The following IKBKB-DT variants were observed in gnomAD, a reference collection of about 807,000 sequenced individuals.
The protein encoded by IKBKB-DT is IKBKB divergent transcript.
intron 1 of IKBKB-DT, among the ~76,000 whole-genome samples, chr8:42,270,136 G>A (rs193007451): frequency 4.6e-5 from 7 of 152,236 alleles, no homozygotes; most frequent in Admixed American, 4.6e-4. Flanking sequence ...TTAAGAACCC[G>A]GGAACCAGTT....
At chr8:42,239,164 T>A (rs1443382487) in intron 3 of IKBKB-DT, among the ~76,000 whole-genome samples, 1 of 152,090 alleles carries the variant, frequency 6.6e-6, no homozygotes, top group Non-Finnish European at 1.5e-5. Context: ...AGACTCATAG[T>A]CTAATGCCCC....
chr8:42,268,268 T>G lies in IKBKB-DT; in HGVS notation n.604-1872A>C, dbSNP rs762375497. Among the ~76,000 whole-genome samples, 130 of 148,448 alleles carry G rather than the reference T, an allele frequency of 8.8e-4. No homozygotes were observed. In the East Asian group the frequency reaches 0.025, roughly 29 times the overall value. On this transcript the variant is annotated intron_variant and non_coding_transcript_variant, in intron 1 of 3. Coordinates refer to ENST00000518213, the Ensembl canonical transcript of IKBKB-DT. ...TCCTGCCTCAGCCTCCCGAGTAGCTTGGATTACAGGCACGTGCCACCACGC... is the reference window on the plus strand; with the variant it reads ...TCCTGCCTCAGCCTCCCGAGTAGCTGGGATTACAGGCACGTGCCACCACGC...
intron 3 of IKBKB-DT, among the ~76,000 whole-genome samples, chr8:42,247,646 G>A (rs1323246561): frequency 6.6e-6 from 1 of 151,940 alleles, no homozygotes; most frequent in Non-Finnish European, 1.5e-5. Flanking sequence ...TAATCCTCAG[G>A]TGTTGAGGGA....
chr8:42,238,060 T>C (rs887426301), intron 3 of IKBKB-DT, among the ~76,000 whole-genome samples: 8 of 140,614 alleles, frequency 5.7e-5, no homozygotes, highest in Non-Finnish European at 1.2e-4. Context: ...AAAAAGGACT[T>C]TCACCAAGAC....
chr8:42,242,129 T>C (rs1807012460), intron 3 of IKBKB-DT, among the ~76,000 whole-genome samples: 1 of 152,100 alleles, frequency 6.6e-6, no homozygotes, highest in South Asian at 2.1e-4. Context: ...GCAGGAGAAT[T>C]GCTTGAACCC....
chr8:42,236,625 C>T (rs967052176), intron 3 of IKBKB-DT, among the ~76,000 whole-genome samples: 7 of 152,188 alleles, frequency 4.6e-5, no homozygotes, highest in East Asian at 1.9e-4. Context: ...GGCGTGGTGA[C>T]GCATGCCTGT....
intron 1 of IKBKB-DT, among the ~76,000 whole-genome samples, chr8:42,267,549 T>A (rs1002911599): frequency 6.6e-6 from 1 of 152,182 alleles, no homozygotes; most frequent in African/African-American, 2.4e-5. Context: ...TGATGAGATC[T>A]CATTCCATTG....
intron 3 of IKBKB-DT, among the ~76,000 whole-genome samples, chr8:42,259,565 A>G (rs1007123953): frequency 3.3e-5 from 5 of 152,202 alleles, no homozygotes; most frequent in Non-Finnish European, 2.9e-5. Flanking sequence ...TTTTTAGTAG[A>G]CATGTGATAA....
intron 3 of IKBKB-DT, among the ~76,000 whole-genome samples, chr8:42,245,214 C>T (rs886264259): frequency 6.6e-6 from 1 of 152,134 alleles, no homozygotes; most frequent in African/African-American, 2.4e-5. Context: ...GAGATCGCAC[C>T]ACTGCACTCC....
intron 3 of IKBKB-DT, among the ~76,000 whole-genome samples, chr8:42,240,837 T>C (rs1316658293): frequency 6.6e-6 from 1 of 151,864 alleles, no homozygotes; most frequent in Non-Finnish European, 1.5e-5. Flanking sequence ...TAGCCAGGCA[T>C]GGTGGCACAC....
At chr8:42,264,644 C>A (rs556104951) in intron 2 of IKBKB-DT, among the ~76,000 whole-genome samples, 1 of 150,442 alleles carries the variant, frequency 6.6e-6, no homozygotes, top group South Asian at 2.1e-4. Flanking sequence ...TTGCAGCCTC[C>A]GCCTCCCTAG....
intron 3 of IKBKB-DT, among the ~76,000 whole-genome samples, chr8:42,252,490 C>T (rs1807141590): frequency 6.6e-6 from 1 of 152,218 alleles, no homozygotes; most frequent in Non-Finnish European, 1.5e-5. Flanking sequence ...CACCACCTCA[C>T]TAATAGCTGG....
At chr8:42,245,621 A>C (rs192091116) in intron 3 of IKBKB-DT, among the ~76,000 whole-genome samples, 1 of 152,296 alleles carries the variant, frequency 6.6e-6, no homozygotes, top group Non-Finnish European at 1.5e-5. Context: ...TCCTGTCTCG[A>C]GGGGCTCATT....
intron 3 of IKBKB-DT, among the ~76,000 whole-genome samples, chr8:42,235,669 C>A (rs772599173): frequency 9.2e-5 from 14 of 152,182 alleles, no homozygotes; most frequent in Non-Finnish European, 1.3e-4. Flanking sequence ...GCCCACGAAA[C>A]TATCTTTGAA....
At chr8:42,262,989 C>A (rs906708017) in intron 3 of IKBKB-DT, among the ~76,000 whole-genome samples, 1 of 152,080 alleles carries the variant, frequency 6.6e-6, no homozygotes, top group Non-Finnish European at 1.5e-5. Context: ...GATCCACCAG[C>A]CTTGGCCTCC....
chr8:42,252,969 G>T (rs879314823), intron 3 of IKBKB-DT, among the ~76,000 whole-genome samples: 2 of 152,192 alleles, frequency 1.3e-5, no homozygotes, highest in Admixed American at 6.5e-5. Context: ...GCCCTGCAAA[G>T]CTGTCCTTTG....
chr8:42,234,099 A>G (rs116522242), intron 3 of IKBKB-DT, among the ~76,000 whole-genome samples: 5 of 152,342 alleles, frequency 3.3e-5, no homozygotes, highest in African/African-American at 1.2e-4. Context: ...AAGGGCTGCT[A>G]TCGTCTTTGT....
chr8:42,267,209 T>G (rs1180180893), intron 1 of IKBKB-DT, among the ~76,000 whole-genome samples: 2 of 151,968 alleles, frequency 1.3e-5, no homozygotes, highest in African/African-American at 2.4e-5. Context: ...TTTCACCGTG[T>G]TAGCCAGGAT....
intron 1 of IKBKB-DT, among the ~76,000 whole-genome samples, chr8:42,267,982 G>A (rs1028442681): frequency 2.6e-5 from 4 of 152,166 alleles, no homozygotes; most frequent in South Asian, 4.1e-4. Flanking sequence ...CAGGAGCGCA[G>A]AGTAAACTTT....
Sources: allele counts gnomAD v4.1 joint callset (sites outside exome capture counted in the v4.1 genomes callset), GRCh38; gene constraint gnomAD v4.1.1; transcripts MANE v1.5; gene names NCBI Gene and HGNC (gene_info 2026-07-23, HGNC 2026-07-21).